The following DEPDC1B variants were observed in gnomAD, a reference collection of about 807,000 sequenced individuals.
The protein encoded by DEPDC1B is DEP domain containing 1B.
DEPDC1B carries 51 observed loss-of-function variants against 66.5 expected under a neutral mutation model. The ratio of observed to expected loss-of-function variants is 0.77; its 90% CI spans 0.61 to 0.97. The LOEUF is 0.97. Among genes scored for constraint, DEPDC1B ranks in the 50% least tolerant of loss-of-function variants. DEPDC1B has a pLI of 0.00. For synonymous variants in DEPDC1B, 226 were observed against 223.6 expected, an observed-to-expected ratio of 1.01 and a Z score of -0.10; for missense variants, 552 against 637.1, an observed-to-expected ratio of 0.87 and a Z score of 1.44.
intron 7 of DEPDC1B, among the ~76,000 whole-genome samples, chr5:60,638,363 T>C (rs557975899): frequency 7.2e-5 from 11 of 152,288 alleles, no homozygotes; most frequent in African/African-American, 2.6e-4. Flanking sequence ...ATTAGATTTC[T>C]AAATGAAAAT....
chr5:60,610,683 TTA>T (rs1205132328), intron 7 of DEPDC1B, among the ~76,000 whole-genome samples: 1 of 152,212 alleles, frequency 6.6e-6, no homozygotes, highest in Non-Finnish European at 1.5e-5. Flanking sequence ...CATCCACATA[TTA>T]TGTTTTTGTA....
intron 8 of DEPDC1B, 90 bp downstream of exon 8, chr5:60,605,600 T>C: frequency 7.0e-7 from 1 of 1,426,458 alleles, no homozygotes; most frequent in South Asian, 1.4e-5. Flanking sequence ...AAGTCTGCTT[T>C]GTACTTCCCT....
chr5:60,618,858 T>A (rs910741798), intron 7 of DEPDC1B, among the ~76,000 whole-genome samples: 1 of 152,112 alleles, frequency 6.6e-6, no homozygotes, highest in Non-Finnish European at 1.5e-5. Context: ...TACACTAATA[T>A]CCCTGATGTA....
At chr5:60,602,309 T>C (rs1246055293) in intron 9 of DEPDC1B, among the ~76,000 whole-genome samples, 1 of 152,150 alleles carries the variant, frequency 6.6e-6, no homozygotes, top group African/African-American at 2.4e-5. Flanking sequence ...CTCTGATACT[T>C]TTTGGTGTGT....
At chr5:60,627,617 A>C (rs1201344614) in intron 7 of DEPDC1B, among the ~76,000 whole-genome samples, 1 of 152,116 alleles carries the variant, frequency 6.6e-6, no homozygotes, top group Non-Finnish European at 1.5e-5. Context: ...CTGTTGCCCC[A>C]AAGGTAACTT....
At chr5:60,654,500 T>A (rs1753531687) in intron 2 of DEPDC1B, among the ~76,000 whole-genome samples, 1 of 148,838 alleles carries the variant, frequency 6.7e-6, no homozygotes, top group Non-Finnish European at 1.5e-5. Context: ...TTTACTGAAT[T>A]CATTGATCAG....
Position 60,612,705 on chromosome 5 carries a change from GAAAAAAAAA to G in DEPDC1B, c.899-6858_899-6850del, listed in dbSNP as rs1554050974. On this transcript the variant is annotated intron_variant, in intron 7 of 10. Transcript: ENST00000265036. ...TAGCAATTTACTTTCAAATGGTTCA[GAAAAAAAAA>G]AAAAAAAAAGGTCTTTGGACTGTGC... Among the ~76,000 whole-genome samples the G allele has an allele frequency of 3.5e-5, 3 of 85,368 alleles. No homozygotes were observed. In the South Asian group the frequency reaches 1.2e-3, roughly 34 times the overall value. The allele number at this position is 85,368 out of a possible 152,430, so 56.0% of individuals were successfully genotyped here. A position where few individuals can be genotyped will look rare whatever the true frequency, so the allele number is the denominator to read the frequency against.
At chr5:60,638,681 C>A (rs1421915109) in intron 7 of DEPDC1B, 69 bp downstream of exon 7, 1 of 1,491,442 alleles carries the variant, frequency 6.7e-7, no homozygotes, top group Non-Finnish European at 9.0e-7. Flanking sequence ...ATGGAAGTCT[C>A]AAAATAGTGA....
chr5:60,696,615 G>GT (rs973689626), intron 1 of DEPDC1B, among the ~76,000 whole-genome samples: 13 of 151,026 alleles, frequency 8.6e-5, no homozygotes, highest in Admixed American at 2.6e-4. Context: ...AAGAGCTTGA[G>GT]TTTTTTTTTC....
intron 2 of DEPDC1B, among the ~76,000 whole-genome samples, chr5:60,667,906 T>TATATGTAAAAAATGGATATTTTAC (rs1561384340): frequency 1.1e-5 from 1 of 90,874 alleles, no homozygotes; most frequent in Non-Finnish European, 2.3e-5. Context: ...GGATATTTTA[T>TATATGTAAAAAATGGATATTTTAC]ATATATAAAA....
intron 7 of DEPDC1B, among the ~76,000 whole-genome samples, chr5:60,632,495 C>A (rs554244991): frequency 6.6e-6 from 1 of 152,222 alleles, no homozygotes; most frequent in African/African-American, 2.4e-5. Context: ...TCAGGCCCAG[C>A]GGCCACACGG....
At chr5:60,625,995 G>A (rs1164444847) in intron 7 of DEPDC1B, among the ~76,000 whole-genome samples, 1 of 151,758 alleles carries the variant, frequency 6.6e-6, no homozygotes, top group South Asian at 2.1e-4. Flanking sequence ...TTTCTTGCTT[G>A]TTCTTTTTTT....
chr5:60,635,475 T>C (rs1450631379), intron 7 of DEPDC1B, among the ~76,000 whole-genome samples: 1 of 152,202 alleles, frequency 6.6e-6, no homozygotes, highest in Non-Finnish European at 1.5e-5. Context: ...TTTTCTATAT[T>C]TAACATTTAG....
At chr5:60,671,271 T>A (rs1332421896) in intron 2 of DEPDC1B, among the ~76,000 whole-genome samples, 1 of 152,178 alleles carries the variant, frequency 6.6e-6, no homozygotes, top group Admixed American at 6.5e-5. Flanking sequence ...AATTTCCATC[T>A]TCTAGGTTTC....
At chr5:60,613,585 C>T (rs1036121946) in intron 7 of DEPDC1B, among the ~76,000 whole-genome samples, 3 of 151,940 alleles carry the variant, frequency 2.0e-5, no homozygotes, top group South Asian at 2.1e-4. Context: ...TCATGGAAAC[C>T]CCAAGGAGAC....
intron 7 of DEPDC1B, among the ~76,000 whole-genome samples, chr5:60,623,176 C>T (rs1291134591): frequency 6.6e-6 from 1 of 152,258 alleles, no homozygotes; most frequent in African/African-American, 2.4e-5. Context: ...ATACAGTATA[C>T]AGTATAAAGG....
chr5:60,623,853 T>A (rs1463754393), intron 7 of DEPDC1B, among the ~76,000 whole-genome samples: 2 of 152,298 alleles, frequency 1.3e-5, no homozygotes, highest in East Asian at 3.9e-4. Context: ...TTGATTTTTA[T>A]ACAGTGGTCT....
At chr5:60,691,396 T>C (rs1754541974) in intron 1 of DEPDC1B, among the ~76,000 whole-genome samples, 1 of 152,148 alleles carries the variant, frequency 6.6e-6, no homozygotes, top group African/African-American at 2.4e-5. Flanking sequence ...CTCAAGAAAT[T>C]TAATCCCACT....
chr5:60,635,047 G>A (rs904891113), intron 7 of DEPDC1B, among the ~76,000 whole-genome samples: 2 of 131,874 alleles, frequency 1.5e-5, no homozygotes, highest in Non-Finnish European at 1.6e-5. Flanking sequence ...CAACAAGAGC[G>A]AAACTCCATC....
Sources: gnomAD v4.1 joint callset for allele counts (sites outside exome capture counted in the v4.1 genomes callset) on GRCh38, gnomAD v4.1.1 for gene constraint, MANE v1.5 for transcripts, NCBI Gene and HGNC (gene_info 2026-07-23, HGNC 2026-07-21) for gene names.